FBLN1: variants seen among roughly 807,000 people sequenced by gnomAD.
The protein encoded by FBLN1 is fibulin-1.
In FBLN1, 34 loss-of-function variants were observed where a neutral mutation model predicts 89.7. That is an observed-to-expected ratio of 0.38 (90% CI 0.29 to 0.50). The LOEUF (loss-of-function observed/expected upper bound fraction) is 0.50, where lower values mean the gene tolerates loss of function less well. Ranked by LOEUF, FBLN1 falls within the 20% of genes least tolerant of loss-of-function variation. The pLI is 0.92. For missense variants in FBLN1, 777 were observed against 988.1 expected (o/e 0.79, Z 2.86); for synonymous variants, 393 against 391.3 (o/e 1.00, Z -0.05).
intron 2 of FBLN1, among the ~76,000 whole-genome samples, chr22:45,523,742 T>C (rs1569238596): frequency 6.6e-6 from 1 of 152,086 alleles, no homozygotes; most frequent in Non-Finnish European, 1.5e-5. Flanking sequence ...AACAACAAAC[T>C]GCTGTGAACA....
intron 14 of FBLN1, among the ~76,000 whole-genome samples, chr22:45,569,367 G>A (rs1383665130): frequency 1.3e-5 from 2 of 152,194 alleles, no homozygotes; most frequent in Non-Finnish European, 2.9e-5. Flanking sequence ...GGGACCAGGT[G>A]TGGTGGCTCA....
intron 1 of FBLN1, chr22:45,517,833 G>A: frequency 2.8e-6 from 1 of 353,148 alleles, no homozygotes; most frequent in Non-Finnish European, 5.6e-6. Context: ...AGCTGGTCTA[G>A]AAATGGTGGT....
intron 7 of FBLN1, 86 bp downstream of exon 7, chr22:45,533,984 C>T (rs2088447394): frequency 1.3e-6 from 2 of 1,579,368 alleles, no homozygotes; most frequent in Admixed American, 3.3e-5. Flanking sequence ...GGTCTGGGCT[C>T]CCGCAGTCCT....
chr22:45,525,755 A>C, intron 3 of FBLN1, 77 bp downstream of exon 3: 1 of 1,537,954 alleles, frequency 6.5e-7, no homozygotes, highest in South Asian at 1.2e-5. Flanking sequence ...GCCAAGCGGC[A>C]CTGTCTGTCA....
In FBLN1 at chr22:45,536,273, G is replaced by C. The variant is rs772102937; in HGVS notation, c.922+936G>C. Among the ~76,000 whole-genome samples, 5 of 152,218 alleles carry C rather than the reference G, an allele frequency of 3.3e-5. No individual in the cohort carries two copies. The highest frequency in any genetic ancestry group is 6.5e-5 in the Admixed American group (1 of 15,282). Reference sequence around the variant, plus strand: ...GGAAGGTGCCGGGGCTGGGCAGGGTGGGGGATGGGGAGTGAGTGTTTCCTG... The same window carrying C: ...GGAAGGTGCCGGGGCTGGGCAGGGTCGGGGATGGGGAGTGAGTGTTTCCTG... On this transcript the variant is annotated intron_variant, in intron 8 of 16. Coordinates refer to ENST00000327858, the MANE Select transcript of FBLN1 (RefSeq NM_006486.3). This position sits in a 1 kb window ranked among gnomAD's most constrained non-coding sequence, Gnocchi z 5.1.
At chr22:45,595,476 C>T (rs2089176138) in intron 16 of FBLN1, among the ~76,000 whole-genome samples, 1 of 152,152 alleles carries the variant, frequency 6.6e-6, no homozygotes, top group African/African-American at 2.4e-5. Context: ...AGCCTAGCGC[C>T]TCCCTTCCCC....
At chr22:45,508,994 ATTGGCGGTAGT>A (rs1382538181) in intron 1 of FBLN1, among the ~76,000 whole-genome samples, 2 of 152,206 alleles carry the variant, frequency 1.3e-5, no homozygotes, top group Non-Finnish European at 2.9e-5. Context: ...ATGTGTGTGC[ATTGGCGGTAGT>A]TAGGGAGGAC....
Position 45,537,136 on chromosome 22 carries a change from CA to C in FBLN1, c.922+1800del, listed in dbSNP as rs143167891. Among the ~76,000 whole-genome samples, 2 of 152,342 alleles carry C rather than the reference CA, an allele frequency of 1.3e-5. No individual in the cohort carries two copies. The highest frequency in any genetic ancestry group is 3.9e-4 in the East Asian group (2 of 5,180). On this transcript the variant is annotated intron_variant, in intron 8 of 16. Coordinates refer to ENST00000327858, the MANE Select transcript of FBLN1 (RefSeq NM_006486.3). This position sits in a 1 kb window ranked among gnomAD's most constrained non-coding sequence, Gnocchi z 5.7. ...AATCCGAGCTACAGATCACACTAGT[CA>C]GAACCTCCCCACCTGGGGTGGCCCC...
At chr22:45,589,388 A>G (rs2089116537) in intron 16 of FBLN1, among the ~76,000 whole-genome samples, 1 of 152,132 alleles carries the variant, frequency 6.6e-6, no homozygotes, top group African/African-American at 2.4e-5. Context: ...TCACTTCTGC[A>G]TCCTGACAAC....
chr22:45,600,683 C>T lies in FBLN1; in HGVS notation c.*237C>T. On this transcript the variant is annotated 3_prime_UTR_variant, in exon 17 of 17. Coordinates refer to ENST00000327858, the MANE Select transcript of FBLN1 (RefSeq NM_006486.3). ...TGAAAACCTTGCTCATTTTTTAATG[C>T]GAAGGCTAAGTGTCACCCCCTTTCT... 5.2e-6 allele frequency: 3 copies of T among 572,242 alleles called. No individual in the cohort carries two copies. The highest frequency in any genetic ancestry group is 1.9e-5 in the South Asian group (1 of 51,914). 35.4% of individuals were successfully genotyped at this position (572,242 alleles called of 1,614,324 possible).
At chr22:45,506,223 G>A (rs1254254681) in intron 1 of FBLN1, among the ~76,000 whole-genome samples, 4 of 152,238 alleles carry the variant, frequency 2.6e-5, no homozygotes, top group Admixed American at 2.6e-4. Context: ...GCGCAATTCT[G>A]CCAATACCCC....
Position 45,536,930 on chromosome 22 carries a change from T to C in FBLN1, c.922+1593T>C, listed in dbSNP as rs1485888909. 6.6e-6 allele frequency among the ~76,000 whole-genome samples: 1 copy of C among 152,154 alleles called. No individual in the cohort carries two copies. The highest frequency in any genetic ancestry group is 1.5e-5 in the Non-Finnish European group (1 of 68,022). On this transcript the variant is annotated intron_variant, in intron 8 of 16. Coordinates refer to ENST00000327858, the MANE Select transcript of FBLN1 (RefSeq NM_006486.3). This position sits in a 1 kb window ranked among gnomAD's most constrained non-coding sequence, Gnocchi z 5.1. Reference sequence around the variant, plus strand: ...GGAGCTGGCCGGCCTGGGTTACTGGTTCTGGAAAGACAGGAGGTGAGTCCT... The same window carrying C: ...GGAGCTGGCCGGCCTGGGTTACTGGCTCTGGAAAGACAGGAGGTGAGTCCT...
rs182312281 is a variant in FBLN1, at chr22:45,565,022, G to C, written c.1698-9489G>C. The stretch of plus-strand genomic sequence containing the variant: ...GAAGATGGACCTGGACAGACAGTCA[G>C]CTCCACACCTTGCGCTGAGCAGCTG... On this transcript the variant is annotated intron_variant, in intron 14 of 16. Coordinates refer to ENST00000327858, the MANE Select transcript of FBLN1 (RefSeq NM_006486.3). 4.1e-5 allele frequency: 66 copies of C among 1,612,658 alleles called. No individual in the cohort carries two copies. In the African/African-American group the frequency reaches 7.7e-4, roughly 19 times the overall value.
intron 8 of FBLN1, among the ~76,000 whole-genome samples, chr22:45,539,098 CCT>C (rs2088520146): frequency 7.7e-6 from 1 of 130,176 alleles, no homozygotes; most frequent in African/African-American, 2.9e-5. Flanking sequence ...CCATCCTCCC[CCT>C]CCCTTCTCCT....
intron 16 of FBLN1, among the ~76,000 whole-genome samples, chr22:45,599,476 T>C (rs2097482): frequency 0.29 from 44,502 of 151,888 alleles, 9,524 homozygotes; most frequent in African/African-American, 0.61. Flanking sequence ...CCAGGGCCCA[T>C]TGCAGTCCTC....
chr22:45,594,194 C>T (rs964372129), intron 16 of FBLN1, among the ~76,000 whole-genome samples: 1 of 152,194 alleles, frequency 6.6e-6, no homozygotes, highest in African/African-American at 2.4e-5. Context: ...TTCCTTGCTA[C>T]TTCTTCCTCC....
chr22:45,592,201 G>C (rs1226587700), intron 16 of FBLN1, among the ~76,000 whole-genome samples: 1 of 152,250 alleles, frequency 6.6e-6, no homozygotes, highest in Admixed American at 6.5e-5. Flanking sequence ...GATGGGGGCT[G>C]AATGCGGCTG....
chr22:45,573,579 G>T (rs1405319776), intron 14 of FBLN1, among the ~76,000 whole-genome samples: 1 of 151,148 alleles, frequency 6.6e-6, no homozygotes, highest in Non-Finnish European at 1.5e-5. Flanking sequence ...TACTCAGGAG[G>T]CTGAGGCAGG....
At chr22:45,558,947 G>A (rs961702729) in intron 14 of FBLN1, among the ~76,000 whole-genome samples, 4 of 152,220 alleles carry the variant, frequency 2.6e-5, no homozygotes, top group African/African-American at 7.2e-5. Flanking sequence ...TCAGCATAAT[G>A]TCACCAATTT....
Sources: gnomAD v4.1 joint callset for allele counts (sites outside exome capture counted in the v4.1 genomes callset) on GRCh38, gnomAD v4.1.1 for gene constraint, Gnocchi (gnomAD v3.1) non-coding constraint, MANE v1.5 for transcripts, NCBI Gene and HGNC (gene_info 2026-07-23, HGNC 2026-07-21) for gene names.